Variants in AP3S2 observed in about 807,000 individuals in gnomAD.
The protein encoded by AP3S2 is adaptor related protein complex 3 subunit sigma 2, also known as AP-3 complex subunit sigma-2.
In AP3S2, 22 loss-of-function variants were observed where a neutral mutation model predicts 23.4. The ratio of observed to expected loss-of-function variants is 0.94; its 90% confidence interval spans 0.67 to 1.34. AP3S2 has a LOEUF of 1.34. AP3S2 is among the 40% of genes most tolerant of loss of function. The pLI is 0.00. For missense variants in AP3S2, 241 were observed against 236.9 expected (o/e 1.02, Z -0.11); for synonymous variants, 86 against 87.1 (o/e 0.99, Z 0.07).
At chr15:89,846,058 A>T (rs1309382883) in intron 4 of AP3S2, among the ~76,000 whole-genome samples, 1 of 152,274 alleles carries the variant, frequency 6.6e-6, no homozygotes, top group Non-Finnish European at 1.5e-5. Flanking sequence ...ATATCTTGAT[A>T]TAAGGGGAAG....
intron 4 of AP3S2, among the ~76,000 whole-genome samples, 192 bp downstream of exon 4, chr15:89,871,283 C>A (rs891233619): frequency 3.3e-5 from 5 of 152,146 alleles, no homozygotes; most frequent in African/African-American, 1.2e-4. Context: ...CACGTTAAAA[C>A]TGTTAGTAGA....
At chr15:89,888,166 A>G (rs1896741874) in intron 3 of AP3S2, among the ~76,000 whole-genome samples, 1 of 152,210 alleles carries the variant, frequency 6.6e-6, no homozygotes, top group Non-Finnish European at 1.5e-5. Context: ...AGAATCTCAC[A>G]TATAAAACGA....
intron 4 of AP3S2, among the ~76,000 whole-genome samples, chr15:89,846,700 G>A (rs1215344386): frequency 6.6e-6 from 1 of 152,054 alleles, no homozygotes; most frequent in Non-Finnish European, 1.5e-5. Flanking sequence ...CTAATTTTTT[G>A]TATTTTTAGT....
chr15:89,864,534 C>CAACTTGAA (rs1896073671), intron 4 of AP3S2, among the ~76,000 whole-genome samples: 12 of 152,170 alleles, frequency 7.9e-5, no homozygotes, highest in Non-Finnish European at 1.5e-4. Context: ...CCCACTGTCA[C>CAACTTGAA]TACTTCTATT....
chr15:89,881,927 TCTC>T (rs989253282), intron 3 of AP3S2, among the ~76,000 whole-genome samples: 1 of 151,872 alleles, frequency 6.6e-6, no homozygotes, highest in African/African-American at 2.4e-5. Context: ...TTCAAGCAAT[TCTC>T]CTGCCTCAAC....
At chr15:89,888,903 T>C (rs1405893881) in intron 2 of AP3S2, 146 bp downstream of exon 2, 15 of 915,394 alleles carry the variant, frequency 1.6e-5, no homozygotes, top group Middle Eastern at 2.2e-4. Context: ...CCAAAGAGAA[T>C]TGTGTCTCTC....
At chr15:89,883,701 A>G (rs1026028476) in intron 3 of AP3S2, among the ~76,000 whole-genome samples, 2 of 152,194 alleles carry the variant, frequency 1.3e-5, no homozygotes, top group South Asian at 4.1e-4. Context: ...AAGAGCATTC[A>G]TAAATGCCTA....
At chr15:89,849,841 C>T (rs768888097) in intron 4 of AP3S2, among the ~76,000 whole-genome samples, 7 of 151,982 alleles carry the variant, frequency 4.6e-5, no homozygotes, top group South Asian at 2.1e-4. Flanking sequence ...CCCCTACCCC[C>T]GAGAGGTGCT....
chr15:89,844,333 T>TTCTC (rs1020828319), intron 4 of AP3S2, among the ~76,000 whole-genome samples: 1 of 150,220 alleles, frequency 6.7e-6, no homozygotes, highest in Admixed American at 6.7e-5. Context: ...CCTTCCTTCC[T>TTCTC]TCTTTCTTTC....
chr15:89,873,284 TTC>T (rs774652040), intron 3 of AP3S2, among the ~76,000 whole-genome samples: 53 of 133,662 alleles, frequency 4.0e-4, no homozygotes, highest in Admixed American at 7.6e-4. Context: ...TCTGTCTGTC[TTC>T]TTTTTTTTTT....
intron 4 of AP3S2, among the ~76,000 whole-genome samples, chr15:89,851,217 A>G (rs1895644917): frequency 6.6e-6 from 1 of 152,190 alleles, no homozygotes. Flanking sequence ...ACAAAGTACT[A>G]TGTTATTTCA....
intron 4 of AP3S2, among the ~76,000 whole-genome samples, chr15:89,843,170 G>C (rs904491766): frequency 6.6e-6 from 1 of 151,504 alleles, no homozygotes; most frequent in African/African-American, 2.4e-5. Context: ...TTTTCGTAGA[G>C]ATGGGGTTTC....
chr15:89,837,256 C>T (rs997082878), intron 5 of AP3S2, among the ~76,000 whole-genome samples: 2 of 152,164 alleles, frequency 1.3e-5, no homozygotes, highest in Non-Finnish European at 2.9e-5. Context: ...GGAAACCACA[C>T]TGGACTAGGG....
chr15:89,874,732 T>G (rs930116280), intron 3 of AP3S2, among the ~76,000 whole-genome samples: 4 of 152,188 alleles, frequency 2.6e-5, no homozygotes, highest in African/African-American at 9.6e-5. Flanking sequence ...CAGTGAATTA[T>G]CATTGCACCA....
intron 3 of AP3S2, among the ~76,000 whole-genome samples, chr15:89,880,534 T>A (rs1896545848): frequency 6.6e-6 from 1 of 151,940 alleles, no homozygotes; most frequent in Admixed American, 6.6e-5. Context: ...ATTAGCCAGG[T>A]GCGGTGGTGG....
chr15:89,843,952 A>G (rs1430186673), intron 4 of AP3S2, among the ~76,000 whole-genome samples: 3 of 152,262 alleles, frequency 2.0e-5, no homozygotes, highest in Non-Finnish European at 2.9e-5. Context: ...ATGATGTATA[A>G]AACTCCAGCT....
rs1175860580 is a variant in AP3S2, at chr15:89,834,282, T to G, written c.*1233A>C. 6.6e-6 allele frequency: 1 copy of G among 152,284 alleles called. No individual in the cohort carries two copies. Among genetic ancestry groups the G allele is most frequent in the Non-Finnish European group, 1.5e-5 (1 of 68,078 alleles). The allele number at this position is 152,284 out of a possible 1,614,324, so 9.4% of individuals were successfully genotyped here. ...GTTCCCTATGGAGGCAGCTCATCATTCACAACACAGCAACAAACCTTCTGC... is the reference window on the plus strand; with the variant it reads ...GTTCCCTATGGAGGCAGCTCATCATGCACAACACAGCAACAAACCTTCTGC... On this transcript the variant is annotated 3_prime_UTR_variant, in exon 6 of 6. Transcript: ENST00000336418.
chr15:89,857,182 A>T (rs1895861972), intron 4 of AP3S2, among the ~76,000 whole-genome samples: 2 of 152,146 alleles, frequency 1.3e-5, no homozygotes, highest in South Asian at 4.1e-4. Flanking sequence ...GGGTTTCAAC[A>T]TGTTGGTCAG....
At chr15:89,838,822 TAGA>T (rs1421634677) in intron 4 of AP3S2, among the ~76,000 whole-genome samples, 2 of 152,110 alleles carry the variant, frequency 1.3e-5, no homozygotes, top group African/African-American at 2.4e-5. Flanking sequence ...GAATTTCAGG[TAGA>T]AGATGTTGGA....
Sources: allele counts gnomAD v4.1 joint callset (sites outside exome capture counted in the v4.1 genomes callset), GRCh38; gene constraint gnomAD v4.1.1; transcripts MANE v1.5; gene names NCBI Gene and HGNC (gene_info 2026-07-23, HGNC 2026-07-21).